ZBTB25: variants seen among roughly 807,000 people sequenced by gnomAD.
ZBTB25 encodes zinc finger and BTB domain containing 25.
A neutral mutation model predicts 34.2 loss-of-function variants in ZBTB25; 20 were observed. The observed-to-expected ratio is 0.58, with a 90% CI of 0.41 to 0.85. ZBTB25 has a LOEUF of 0.85. ZBTB25 is among the 40% of genes least tolerant of loss of function. ZBTB25 has a pLI of 0.00. For missense variants in ZBTB25, 437 were observed against 521.8 expected (o/e 0.84, Z 1.58); for synonymous variants, 175 against 186.4 (o/e 0.94, Z 0.50).
At chr14:64,477,834 G>A (rs2078733678), downstream of ZBTB25, among the ~76,000 whole-genome samples, 1 of 152,196 alleles carries the variant, frequency 6.6e-6, no homozygotes, top group Admixed American at 6.5e-5. Flanking sequence ...AAGGCCTGCT[G>A]GATGCACATA....
rs989534578 is a variant in ZBTB25 at position 64,483,030 on chromosome 14, C to G, written c.*3893G>C. 1 of 152,150 alleles carries G rather than the reference C, an allele frequency of 6.6e-6. No individual in the cohort carries two copies. Among genetic ancestry groups the G allele is most frequent in the African/African-American group, 2.4e-5 (1 of 41,440 alleles). The allele number at this position is 152,150 out of a possible 1,614,324, so 9.4% of individuals were successfully genotyped here. ...AGTTCTGATGATACGCTAATAAGAA[C>G]AAATACTAAAACAGTCTCTATTTTT... On this transcript the variant is annotated 3_prime_UTR_variant, in exon 3 of 3. Transcript: ENST00000608382.
intron 1 of ZBTB25, among the ~76,000 whole-genome samples, chr14:64,493,943 G>C (rs951001934): frequency 6.6e-6 from 1 of 152,110 alleles, no homozygotes; most frequent in East Asian, 1.9e-4. Context: ...TTAGTGATCA[G>C]CGGGGACAAG....
At chr14:64,459,885 G>A in intron 2 of ZBTB25, 3 of 1,536,002 alleles carry the variant, frequency 2.0e-6, no homozygotes, top group Non-Finnish European at 2.6e-6. Flanking sequence ...GAAACTAATA[G>A]TAGGAGTTTC....
intron 1 of ZBTB25, among the ~76,000 whole-genome samples, chr14:64,491,587 G>T (rs1181469743): frequency 6.6e-6 from 1 of 152,222 alleles, no homozygotes; most frequent in East Asian, 1.9e-4. Context: ...GCCTATATGA[G>T]GAAGAACATG....
chr14:64,484,630 C>T lies in ZBTB25; in HGVS notation c.*2293G>A, dbSNP rs527633824. Reference sequence around the variant, plus strand: ...CCAGGCAGCAGAGATTGCAGTGAGCCGAGATCACGCCATTGCACTCCAGCC... The same window carrying T: ...CCAGGCAGCAGAGATTGCAGTGAGCTGAGATCACGCCATTGCACTCCAGCC... On this transcript the variant is annotated 3_prime_UTR_variant, in exon 3 of 3. Transcript: ENST00000608382. 4.0e-3 allele frequency: 604 copies of T among 151,886 alleles called. 4 individuals are homozygous for T. The highest frequency in any genetic ancestry group is 8.2e-3 in the Admixed American group (125 of 15,246). 9.4% of individuals were successfully genotyped at this position (151,886 alleles called of 1,614,324 possible). A position where few individuals can be genotyped will look rare whatever the true frequency, so the allele number is the denominator to read the frequency against.
chr14:64,498,406 G>A (rs2079357528), intron 1 of ZBTB25, among the ~76,000 whole-genome samples: 1 of 151,394 alleles, frequency 6.6e-6, no homozygotes, highest in Non-Finnish European at 1.5e-5. Context: ...TCCGCCTCCT[G>A]GGTTCAAGTG....
At chr14:64,457,526 G>A (rs947532072) in intron 2 of ZBTB25, among the ~76,000 whole-genome samples, 5 of 151,708 alleles carry the variant, frequency 3.3e-5, no homozygotes, top group Non-Finnish European at 7.4e-5. Flanking sequence ...CAAGATCTCG[G>A]CTCACTGCAA....
intron 1 of ZBTB25, 35 bp from the exon 2 acceptor site, chr14:64,490,575 T>C (rs402947): frequency 6.5e-7 from 1 of 1,548,136 alleles, no homozygotes; most frequent in Non-Finnish European, 8.8e-7. Flanking sequence ...TAGATAGGTG[T>C]GTATGTATAT....
At position 64,487,702 on chromosome 14, in the gene ZBTB25, C is replaced by A. The variant is rs142592421; in HGVS notation, c.529G>T (p.Asp177Tyr). 3 of 1,612,788 alleles carry A rather than the reference C, an allele frequency of 1.9e-6. No homozygotes were observed. The highest frequency in any genetic ancestry group is 2.5e-6 in the Non-Finnish European group (3 of 1,179,432). ...QLQLSLAIGL[D>Y]DGTADQQRAC... ...CTCTGCTGGTCTGCAGTGCCATCAT[C>A]CAGACCAATAGCAAGAGACAACTGC... The change falls in exon 3 of 3, where the codon GAT becomes TAT. Residue 177 changes from aspartate (D) to tyrosine (Y), a missense_variant. Transcript: ENST00000608382.
chr14:64,488,293 A>G (rs2078953513), intron 2 of ZBTB25, among the ~76,000 whole-genome samples: 1 of 152,198 alleles, frequency 6.6e-6, no homozygotes, highest in Non-Finnish European at 1.5e-5. Flanking sequence ...ACAGACATAC[A>G]TTCTGAATAG....
At chr14:64,462,371 ATGAC>A (rs1262019214) in intron 2 of ZBTB25, 1 of 152,524 alleles carries the variant, frequency 6.6e-6, no homozygotes, top group East Asian at 1.9e-4. Flanking sequence ...GCAGTGAGCT[ATGAC>A]TGAGCCACCG....
downstream of ZBTB25, among the ~76,000 whole-genome samples, chr14:64,475,197 T>C (rs537395580): frequency 1.1e-3 from 164 of 152,236 alleles, no homozygotes; most frequent in African/African-American, 3.8e-3. Flanking sequence ...CCCAGCACGT[T>C]GGGAGGCCGA....
chr14:64,468,248 A>G, intron 2 of ZBTB25: 1 of 665,244 alleles, frequency 1.5e-6, no homozygotes, highest in South Asian at 2.7e-5. Flanking sequence ...AAACCACCTA[A>G]AACAACTGTA....
chr14:64,449,233 C>T (rs1277219799), exon 3 of ZBTB25: 1 of 626,938 alleles, frequency 1.6e-6, no homozygotes, highest in Non-Finnish European at 2.9e-6. Context: ...TCGCGTATTA[C>T]CAGGGTGGAA....
At chr14:64,472,393 T>C (rs1420092262) in intron 2 of ZBTB25, 1 of 167,048 alleles carries the variant, frequency 6.0e-6, no homozygotes, top group East Asian at 1.9e-4. Context: ...TGGAAATATT[T>C]TGGGGGATTT....
At chr14:64,496,038 C>T (rs939171048) in intron 1 of ZBTB25, among the ~76,000 whole-genome samples, 1 of 151,948 alleles carries the variant, frequency 6.6e-6, no homozygotes, top group African/African-American at 2.4e-5. Context: ...ACCATTACCC[C>T]CTCCCCCAAC....
intron 2 of ZBTB25, among the ~76,000 whole-genome samples, chr14:64,464,954 G>A (rs977949539): frequency 6.6e-6 from 1 of 152,174 alleles, no homozygotes; most frequent in Non-Finnish European, 1.5e-5. Context: ...GATGAACCAC[G>A]ATGATCTGAC....
At chr14:64,463,500 GC>G (rs1248461710) in intron 2 of ZBTB25, 1 of 151,830 alleles carries the variant, frequency 6.6e-6, no homozygotes, top group African/African-American at 2.4e-5. Flanking sequence ...TAAAAGAAAG[GC>G]AAGTGAAGGC....
upstream of ZBTB25, chr14:64,504,991 A>G: frequency 2.6e-6 from 1 of 392,060 alleles, no homozygotes; most frequent in Non-Finnish European, 4.5e-6. Context: ...ACTTTGGCCC[A>G]GGCCGGAGGG....
Sources: gnomAD v4.1 joint callset for allele counts (sites outside exome capture counted in the v4.1 genomes callset) on GRCh38, gnomAD v4.1.1 for gene constraint, MANE v1.5 for transcripts, NCBI Gene and HGNC (gene_info 2026-07-23, HGNC 2026-07-21) for gene names.